Variants in WDR48 observed in about 807,000 individuals in gnomAD.
WDR48 encodes the protein WD repeat domain 48.
In WDR48, 22 loss-of-function variants were observed where a neutral mutation model predicts 94.0. That is an observed-to-expected ratio of 0.23 (90% CI 0.17 to 0.33). The LOEUF (loss-of-function observed/expected upper bound fraction) is 0.33. Ranked by LOEUF, WDR48 falls within the 10% of genes least tolerant of loss-of-function variation. The pLI is 1.00. For synonymous variants in WDR48, 278 were observed against 280.5 expected, an observed-to-expected ratio of 0.99 and a Z score of 0.09; for missense variants, 541 against 813.8, an observed-to-expected ratio of 0.66 and a Z score of 4.08.
intron 1 of WDR48, among the ~76,000 whole-genome samples, chr3:39,056,534 G>A (rs139614157): frequency 3.9e-5 from 6 of 152,294 alleles, no homozygotes; most frequent in African/African-American, 1.4e-4. Flanking sequence ...AGAAAATCCT[G>A]AAAGCTTAGG....
At chr3:39,082,474 G>A (rs1481626179) in intron 11 of WDR48, among the ~76,000 whole-genome samples, 2 of 151,960 alleles carry the variant, frequency 1.3e-5, no homozygotes, top group Non-Finnish European at 2.9e-5. Context: ...TAGAGACAGC[G>A]TTTCTCCTTG....
rs2033818397 is a variant in WDR48, at chr3:39,069,688, C to T, written c.616C>T (p.Leu206Phe). 1 of 1,613,594 alleles carries T rather than the reference C, an allele frequency of 6.2e-7. No homozygotes were observed. Among genetic ancestry groups the T allele is most frequent in the Non-Finnish European group, 8.5e-7 (1 of 1,179,766 alleles). The change falls in exon 7 of 19, where the codon CTT (leucine) becomes TTT (phenylalanine). Residue 206 changes from leucine (L) to phenylalanine (F), a missense_variant. By Grantham distance (22) the Leu-to-Phe change is conservative. Around this residue, in one of 5 missense-constraint regions of WDR48, gnomAD observed 104 missense variants for 189.7 expected, o/e 0.55. Coordinates refer to ENST00000302313, the MANE Select transcript of WDR48 (RefSeq NM_020839.4). The stretch of plus-strand genomic sequence containing the variant: ...AAGAACATGTGCAAAACTAATGAAG[C>T]TTAAAGGGCACACGGATAATGTGAA... Reference protein sequence around the residue: ...DPRTCAKLMKLKGHTDNVKAL... With the variant: ...DPRTCAKLMKFKGHTDNVKAL...
rs201517129 is a variant in WDR48 at position 39,052,017 on chromosome 3, A to G, written c.-9A>G. On this transcript the variant is annotated 5_prime_UTR_variant, in exon 1 of 19. Coordinates refer to ENST00000302313, the MANE Select transcript of WDR48 (RefSeq NM_020839.4). The stretch of plus-strand genomic sequence containing the variant: ...CTCCGGAAGTGACGTCGGAGTGTCA[A>G]CATGCAAGATGGCGGCCCATCACCG... The G allele has an allele frequency of 4.3e-6, 7 of 1,613,852 alleles. No homozygotes were observed. Among genetic ancestry groups the G allele is most frequent in the African/African-American group, 2.7e-5 (2 of 75,016 alleles).
chr3:39,089,400 TA>T, intron 16 of WDR48, 82 bp downstream of exon 16: 2 of 1,309,836 alleles, frequency 1.5e-6, no homozygotes, highest in Non-Finnish European at 2.1e-6. Flanking sequence ...ATTATAATTT[TA>T]AACCTTAATA....
chr3:39,090,753 C>CAAA, intron 16 of WDR48: 1 of 152,204 alleles, frequency 6.6e-6, no homozygotes, highest in East Asian at 1.9e-4. Context: ...TACTGTTGGT[C>CAAA]TATTTTGTAT....
chr3:39,090,016 T>C (rs1281423512), intron 16 of WDR48: 1 of 152,202 alleles, frequency 6.6e-6, no homozygotes, highest in Non-Finnish European at 1.5e-5. Context: ...GAAGTGGAAT[T>C]GCTGGATCCA....
rs747157842 is a variant in WDR48 at position 39,078,220 on chromosome 3, A to G, written c.1056A>G (p.Gln352=). Residue 352 remains glutamine (Q), a synonymous_variant, in exon 10 of 19, where the codon CAA becomes CAG. Transcript: ENST00000302313. ...ATCCTATAACACCTCTTTGTACACA[A>G]CCTGACCAGGTTATTAAAGGTAAGA... ...CTNPITPLCT[Q]PDQVIKGGAS... 6.8e-6 allele frequency: 11 copies of G among 1,612,464 alleles called. No individual in the cohort carries two copies. Among genetic ancestry groups the G allele is most frequent in the Admixed American group, 5.0e-5 (3 of 59,782 alleles).
At chr3:39,087,311 A>T (rs1326976600) in intron 14 of WDR48, among the ~76,000 whole-genome samples, 3 of 152,130 alleles carry the variant, frequency 2.0e-5, no homozygotes, top group Non-Finnish European at 4.4e-5. Context: ...GAGGCCTCTA[A>T]TATTTGTTGA....
chr3:39,068,239 TAGAC>T (rs1232944756), intron 5 of WDR48, among the ~76,000 whole-genome samples: 1 of 152,238 alleles, frequency 6.6e-6, no homozygotes, highest in African/African-American at 2.4e-5. Flanking sequence ...TCATACTATA[TAGAC>T]AGTTTCATAT....
chr3:39,085,457 G>A, intron 13 of WDR48, 58 bp from the exon 14 acceptor site: 3 of 1,365,520 alleles, frequency 2.2e-6, no homozygotes, highest in Non-Finnish European at 3.1e-6. Flanking sequence ...CTATTTTTAG[G>A]TTAAAGCCAA....
intron 15 of WDR48, 97 bp from the exon 16 acceptor site, chr3:39,089,134 A>G (rs2034959115): frequency 9.1e-7 from 1 of 1,094,078 alleles, no homozygotes; most frequent in Non-Finnish European, 1.4e-6. Flanking sequence ...GTTATCCTAC[A>G]TGAAAACCAT....
chr3:39,063,454 AT>A (rs1331243760), intron 2 of WDR48, among the ~76,000 whole-genome samples: 1 of 152,222 alleles, frequency 6.6e-6, no homozygotes, highest in Non-Finnish European at 1.5e-5. Context: ...GAACAAAGTG[AT>A]TTGGCTAGTA....
At chr3:39,077,058 T>G in intron 8 of WDR48, 81 bp from the exon 9 acceptor site, 2 of 1,477,590 alleles carry the variant, frequency 1.4e-6, no homozygotes, top group South Asian at 2.3e-5. Context: ...ATGAAGGAGT[T>G]GATATTAATA....
In WDR48 at chr3:39,092,939, CAGAT is replaced by C. The variant is rs201530666; in HGVS notation, c.1746-930_1746-927del. On this transcript the variant is annotated intron_variant, in intron 17 of 18. Coordinates refer to ENST00000302313, the MANE Select transcript of WDR48 (RefSeq NM_020839.4). Reference sequence around the variant, plus strand: ...TTAAAGTGAGTCCTAGACATCAGTTCAGATAGATTTAACAACTGAAGTTCAAATG... The same window carrying C: ...TTAAAGTGAGTCCTAGACATCAGTTCAGATTTAACAACTGAAGTTCAAATG... Among the ~76,000 whole-genome samples the C allele has an allele frequency of 3.4e-3, 510 of 151,636 alleles. 3 individuals are homozygous for C. The highest frequency in any genetic ancestry group is 0.011 in the African/African-American group (439 of 41,188).
chr3:39,080,398 G>A (rs1237541621), intron 11 of WDR48, among the ~76,000 whole-genome samples: 1 of 152,182 alleles, frequency 6.6e-6, no homozygotes, highest in East Asian at 1.9e-4. Flanking sequence ...AACTCCTTCT[G>A]GGACAGTTGA....
chr3:39,084,605 A>G (rs1259155602), intron 12 of WDR48, 40 bp from the exon 13 acceptor site: 4 of 1,552,556 alleles, frequency 2.6e-6, no homozygotes, highest in Non-Finnish European at 3.5e-6. Context: ...TTTGGAGAAT[A>G]TATTCAAATG....
intron 1 of WDR48, among the ~76,000 whole-genome samples, chr3:39,061,307 T>C (rs1004366297): frequency 6.7e-6 from 1 of 150,004 alleles, no homozygotes. Flanking sequence ...TGTCCATGTG[T>C]TCTCATTGTT....
At chr3:39,079,861 A>G (rs1184145642) in intron 11 of WDR48, 53 bp downstream of exon 11, 1 of 1,013,260 alleles carries the variant, frequency 9.9e-7, no homozygotes, top group Non-Finnish European at 1.4e-6. Context: ...TACCCCCTTT[A>G]TTTTTTATTT....
chr3:39,082,675 A>T (rs1214603545), intron 11 of WDR48, among the ~76,000 whole-genome samples: 4 of 152,200 alleles, frequency 2.6e-5, no homozygotes, highest in Admixed American at 1.3e-4. Flanking sequence ...AATGGAAGTG[A>T]TGTAGGGAAT....
Sources: gnomAD v4.1 joint callset for allele counts (sites outside exome capture counted in the v4.1 genomes callset) on GRCh38, gnomAD v4.1.1 for gene constraint, gnomAD v4.1.1 regional missense constraint, MANE v1.5 for transcripts, NCBI Gene and HGNC (gene_info 2026-07-23, HGNC 2026-07-21) for gene names.